The following RASEF variants were observed in gnomAD, a reference collection of about 807,000 sequenced individuals.
RASEF encodes the protein RAS and EF-hand domain containing, also known as ras and EF-hand domain-containing protein.
A neutral mutation model predicts 90.1 loss-of-function variants in RASEF; 68 were observed. The ratio of observed to expected loss-of-function variants is 0.75; its 90% CI spans 0.62 to 0.92. The LOEUF (loss-of-function observed/expected upper bound fraction) is 0.92, where lower values mean the gene tolerates loss of function less well. Among genes scored for constraint, RASEF ranks in the 40% least tolerant of loss-of-function variants. The probability of loss-of-function intolerance (pLI) is 0.00; values close to 1 mark genes in which losing one functional copy is unlikely to be tolerated. For missense variants in RASEF, 949 were observed against 937.2 expected, an observed-to-expected ratio of 1.01 and a Z score of -0.16; for synonymous variants, 331 against 345.2, an observed-to-expected ratio of 0.96 and a Z score of 0.46.
At chr9:83,146,891 A>G in the RASEF span, among the ~76,000 whole-genome samples, 1 of 152,104 alleles carries the variant, frequency 6.6e-6, no homozygotes, top group African/African-American at 2.4e-5. Flanking sequence ...CCATCTTAGT[A>G]TAAATTATAA....
At chr9:83,043,399 G>GGT (rs1554709867) in intron 1 of RASEF, among the ~76,000 whole-genome samples, 4 of 142,956 alleles carry the variant, frequency 2.8e-5, no homozygotes, top group South Asian at 2.1e-4. Flanking sequence ...GCAGTGATTG[G>GGT]GGGGGGGGAC....
At chr9:83,026,567 CG>C (rs1478984688) in intron 1 of RASEF, among the ~76,000 whole-genome samples, 1 of 152,000 alleles carries the variant, frequency 6.6e-6, no homozygotes, top group Non-Finnish European at 1.5e-5. Context: ...GAGAACAGTA[CG>C]GGGGAAACCG....
At chr9:83,017,076 C>T (rs1281411455) in intron 3 of RASEF, among the ~76,000 whole-genome samples, 1 of 152,098 alleles carries the variant, frequency 6.6e-6, no homozygotes, top group Non-Finnish European at 1.5e-5. Flanking sequence ...GACACAGAGG[C>T]CTCACAATGA....
At chr9:83,063,409 C>CAG (rs1830253519), upstream of RASEF, among the ~76,000 whole-genome samples, 1 of 152,224 alleles carries the variant, frequency 6.6e-6, no homozygotes, top group Non-Finnish European at 1.5e-5. Flanking sequence ...GCTAACCGCA[C>CAG]AGAGGTAAGG....
the RASEF span, among the ~76,000 whole-genome samples, chr9:83,102,195 G>C: frequency 3.3e-5 from 5 of 152,138 alleles, no homozygotes; most frequent in Non-Finnish European, 5.9e-5. Context: ...TCCTGCCTCA[G>C]CCTCCCAGGT....
chr9:83,055,881 T>C (rs1462390196), intron 1 of RASEF, among the ~76,000 whole-genome samples: 2 of 152,196 alleles, frequency 1.3e-5, no homozygotes, highest in African/African-American at 4.8e-5. Flanking sequence ...TAGTCCAGAA[T>C]GAGTGGTGTT....
chr9:83,113,979 GTCA>G, the RASEF span, among the ~76,000 whole-genome samples: 3 of 151,992 alleles, frequency 2.0e-5, no homozygotes, highest in African/African-American at 7.3e-5. Flanking sequence ...GTGGCTCAGG[GTCA>G]TCATCACAGT....
At chr9:83,115,569 C>T in the RASEF span, among the ~76,000 whole-genome samples, 1 of 152,114 alleles carries the variant, frequency 6.6e-6, no homozygotes, top group African/African-American at 2.4e-5. Flanking sequence ...TGATGAAATA[C>T]AAATTAATTC....
intron 1 of RASEF, among the ~76,000 whole-genome samples, chr9:83,035,332 C>T (rs1180987743): frequency 6.6e-6 from 1 of 152,156 alleles, no homozygotes; most frequent in African/African-American, 2.4e-5. Context: ...TTTATTTACA[C>T]TAACAGGCAG....
At chr9:83,132,931 A>G in the RASEF span, among the ~76,000 whole-genome samples, 1 of 152,338 alleles carries the variant, frequency 6.6e-6, no homozygotes, top group South Asian at 2.1e-4. Context: ...TGTGTGTGAC[A>G]TAAACTCATA....
At chr9:83,120,087 A>G in the RASEF span, among the ~76,000 whole-genome samples, 1 of 152,182 alleles carries the variant, frequency 6.6e-6, no homozygotes, top group African/African-American at 2.4e-5. Context: ...GACATTTAAG[A>G]TTCTGTTAAC....
At position 83,062,514 on chromosome 9, in the gene RASEF, C is replaced by A. The variant is rs773804973; in HGVS notation, c.354G>T (p.Ser118=). ...CCCGGCCGGGACTCGCCGGGCCGCA[C>A]GAGGTGGCCAGCGCCGCCGCCGCGT... ...DEDAAAALAT[S]CGPASPGRAW... Residue 118 remains serine (S), a synonymous_variant, in exon 1 of 17, where the codon TCG becomes TCT. Coordinates refer to ENST00000376447, the MANE Select transcript of RASEF (RefSeq NM_152573.4). 10 of 1,610,404 alleles carry A rather than the reference C, an allele frequency of 6.2e-6. No individual in the cohort carries two copies. Among genetic ancestry groups the A allele is most frequent in the Non-Finnish European group, 8.5e-6 (10 of 1,178,858 alleles).
chr9:82,992,511 G>A (rs536643053), intron 15 of RASEF, among the ~76,000 whole-genome samples: 1 of 152,274 alleles, frequency 6.6e-6, no homozygotes, highest in South Asian at 2.1e-4. Context: ...ACCTTCTTCT[G>A]CCTTTGGCAT....
chr9:83,138,630 T>A, the RASEF span, among the ~76,000 whole-genome samples: 1 of 152,180 alleles, frequency 6.6e-6, no homozygotes, highest in Non-Finnish European at 1.5e-5. Context: ...ACTCACTGTC[T>A]TTGCCCATAG....
chr9:83,141,161 G>T, the RASEF span, among the ~76,000 whole-genome samples: 2 of 140,152 alleles, frequency 1.4e-5, no homozygotes, highest in African/African-American at 2.6e-5. Context: ...AAAAAAAAAG[G>T]TAATTATCCA....
intron 15 of RASEF, among the ~76,000 whole-genome samples, chr9:82,991,733 C>T (rs903563468): frequency 3.9e-5 from 6 of 152,180 alleles, no homozygotes; most frequent in African/African-American, 1.2e-4. Context: ...TTTGAGGATG[C>T]AGGACTGTGG....
chr9:83,150,440 A>G, the RASEF span, among the ~76,000 whole-genome samples: 1 of 152,304 alleles, frequency 6.6e-6, no homozygotes, highest in African/African-American at 2.4e-5. Flanking sequence ...GGACACTTCT[A>G]TCACTCAGGG....
At chr9:83,032,630 TATG>T (rs745397445) in intron 1 of RASEF, among the ~76,000 whole-genome samples, 3 of 152,234 alleles carry the variant, frequency 2.0e-5, no homozygotes, top group Non-Finnish European at 4.4e-5. Context: ...CAATAAATTA[TATG>T]ATGATTTGTA....
At chr9:83,179,446 A>G in the RASEF span, among the ~76,000 whole-genome samples, 1 of 152,116 alleles carries the variant, frequency 6.6e-6, no homozygotes, top group Non-Finnish European at 1.5e-5. Flanking sequence ...TTTACACACT[A>G]TTTATTTATA....
Sources: gnomAD v4.1 joint callset for allele counts (sites outside exome capture counted in the v4.1 genomes callset) on GRCh38, gnomAD v4.1.1 for gene constraint, MANE v1.5 for transcripts, NCBI Gene and HGNC (gene_info 2026-07-23, HGNC 2026-07-21) for gene names.